ANO3: variants seen among roughly 807,000 people sequenced by gnomAD.
ANO3 encodes anoctamin 3, also known as anoctamin-3.
A neutral mutation model predicts 144.8 loss-of-function variants in ANO3; 99 were observed. That is an observed-to-expected ratio of 0.68 (90% CI 0.58 to 0.81). The LOEUF (loss-of-function observed/expected upper bound fraction) is 0.81, where lower values mean the gene tolerates loss of function less well. Among genes scored for constraint, ANO3 ranks in the 30% least tolerant of loss-of-function variants. The probability of loss-of-function intolerance (pLI) is 0.00; values close to 1 mark genes in which losing one functional copy is unlikely to be tolerated. For synonymous variants in ANO3, 414 were observed against 392.6 expected (o/e 1.05, Z -0.64); for missense variants, 905 against 1,202.2 (o/e 0.75, Z 3.66).
chr11:26,584,359 A>G (rs113735783), intron 14 of ANO3, among the ~76,000 whole-genome samples: 15 of 152,236 alleles, frequency 9.9e-5, no homozygotes, highest in African/African-American at 3.6e-4. Context: ...GGGTTTCACC[A>G]TGGTGGCCAG....
intron 1 of ANO3, among the ~76,000 whole-genome samples, chr11:26,202,727 GA>G (rs151234568): frequency 7.4e-5 from 11 of 149,058 alleles, no homozygotes; most frequent in Middle Eastern, 3.4e-3. Context: ...CACAGTTGAG[GA>G]AAAAAAAAAT....
intron 1 of ANO3, among the ~76,000 whole-genome samples, chr11:26,441,652 A>T (rs920747801): frequency 1.6e-4 from 24 of 152,216 alleles, no homozygotes; most frequent in Admixed American, 1.6e-3. Context: ...GAACTTAAAC[A>T]TCAGTTTCTT....
chr11:26,412,334 T>G (rs939663516), intron 1 of ANO3, among the ~76,000 whole-genome samples: 1 of 152,020 alleles, frequency 6.6e-6, no homozygotes, highest in Non-Finnish European at 1.5e-5. Flanking sequence ...AAGCTCTTAA[T>G]GAATGTAATT....
rs535793306 is a variant in ANO3, at chr11:26,299,257, A to G, written c.155-10388A>G. ...TCTGAAAGCTAAGTGGGGGAAGTTT[A>G]TCAAGGAGGAAAGTGTGATTAATTA... On this transcript the variant is annotated intron_variant, in intron 1 of 27. Coordinates refer to the ANO3 transcript ENST00000672621. Among the ~76,000 whole-genome samples the G allele has an allele frequency of 6.6e-5, 10 of 152,326 alleles. 1 individual carries two copies. The South Asian group carries it at 1.9e-3, about 28-fold the overall frequency.
intron 1 of ANO3, among the ~76,000 whole-genome samples, chr11:26,433,988 T>G (rs886497994): frequency 6.6e-6 from 1 of 152,208 alleles, no homozygotes; most frequent in Non-Finnish European, 1.5e-5. Context: ...CTCTTCTTTA[T>G]CCATCTGGTA....
intron 7 of ANO3, among the ~76,000 whole-genome samples, chr11:26,528,331 T>A (rs968179046): frequency 2.0e-5 from 3 of 152,160 alleles, no homozygotes; most frequent in African/African-American, 7.2e-5. Flanking sequence ...CATTGTGGTA[T>A]TCAAATTTAG....
At chr11:26,458,234 CATTT>C (rs1469415544) in intron 3 of ANO3, among the ~76,000 whole-genome samples, 1 of 152,090 alleles carries the variant, frequency 6.6e-6, no homozygotes, top group Non-Finnish European at 1.5e-5. Context: ...TAGTAGGTTT[CATTT>C]GTGTTTCAGA....
chr11:26,565,379 A>C, intron 14 of ANO3: 1 of 1,613,226 alleles, frequency 6.2e-7, no homozygotes, highest in Non-Finnish European at 8.5e-7. Context: ...TGTTATCAGG[A>C]GTTTTCACGG....
intron 1 of ANO3, among the ~76,000 whole-genome samples, chr11:26,340,527 A>G (rs931747686): frequency 5.3e-5 from 8 of 152,114 alleles, no homozygotes; most frequent in African/African-American, 1.9e-4. Context: ...CCGAATCTAA[A>G]CTCCAGAGGA....
intron 1 of ANO3, among the ~76,000 whole-genome samples, chr11:26,384,820 T>C (rs919942746): frequency 2.0e-5 from 3 of 152,220 alleles, no homozygotes; most frequent in Admixed American, 6.5e-5. Context: ...TTCACAAAAG[T>C]ACCATAACTG....
At position 26,553,284 on chromosome 11, in the gene ANO3, G is replaced by A; in HGVS notation, c.1325G>A (p.Cys442Tyr). The change falls in exon 13 of 27, where the codon TGC (cysteine) becomes TAC (tyrosine). Residue 442 changes from cysteine (C) to tyrosine (Y), a missense_variant. By Grantham distance (194) the Cys-to-Tyr change is radical. Coordinates refer to ENST00000256737, the MANE Select transcript of ANO3 (RefSeq NM_031418.4). ...TGTAAAGCCACTGAAGTCTTTATGT[G>A]CCCTCTCTGTGACAAGAACTGCTCC... ...EICKATEVFM[C>Y]PLCDKNCSLQ... The A allele has an allele frequency of 6.4e-7, 1 of 1,570,962 alleles. No individual in the cohort carries two copies. Among genetic ancestry groups the A allele is most frequent in the Non-Finnish European group, 8.7e-7 (1 of 1,152,744 alleles).
chr11:26,453,496 A>G (rs1369902330), intron 3 of ANO3, among the ~76,000 whole-genome samples: 1 of 152,204 alleles, frequency 6.6e-6, no homozygotes, highest in Admixed American at 6.5e-5. Context: ...CCATTACATA[A>G]TGGTAAAGAG....
intron 1 of ANO3, among the ~76,000 whole-genome samples, chr11:26,362,821 C>T (rs892286647): frequency 6.6e-6 from 1 of 152,054 alleles, no homozygotes; most frequent in Admixed American, 6.6e-5. Context: ...GTCATATATA[C>T]CTTCTTTATA....
chr11:26,283,317 AATAAATATATATATATATATATATATAT>A (rs1373636268), intron 1 of ANO3, among the ~76,000 whole-genome samples: 11 of 77,590 alleles, frequency 1.4e-4, no homozygotes, highest in South Asian at 1.2e-3. Context: ...TAAACAAATA[AATAAATATATATATATATATATATATAT>A]ATATATATAT....
At chr11:26,640,348 CTT>C (rs895779737) in intron 21 of ANO3, among the ~76,000 whole-genome samples, 2 of 152,170 alleles carry the variant, frequency 1.3e-5, no homozygotes, top group Non-Finnish European at 2.9e-5. Context: ...TTTATACAGA[CTT>C]AATATTCAAA....
chr11:26,447,887 C>A (rs745456988), intron 3 of ANO3, among the ~76,000 whole-genome samples: 1 of 152,176 alleles, frequency 6.6e-6, no homozygotes, highest in Non-Finnish European at 1.5e-5. Flanking sequence ...CCATTGCCTA[C>A]GTTTTTTTCT....
At chr11:26,655,231 G>C (rs1476987343) in intron 24 of ANO3, among the ~76,000 whole-genome samples, 1 of 152,070 alleles carries the variant, frequency 6.6e-6, no homozygotes, top group Non-Finnish European at 1.5e-5. Flanking sequence ...CTTCCCATCT[G>C]TCACATCAGC....
chr11:26,194,454 G>GTATGTGTGTA (rs879749565), intron 1 of ANO3, among the ~76,000 whole-genome samples: 1 of 147,328 alleles, frequency 6.8e-6, no homozygotes, highest in Non-Finnish European at 1.5e-5. Flanking sequence ...GTGTGTGTGT[G>GTATGTGTGTA]TGTGTGTGTG....
chr11:26,197,865 A>C (rs1270686757), intron 1 of ANO3, among the ~76,000 whole-genome samples: 1 of 151,782 alleles, frequency 6.6e-6, no homozygotes, highest in African/African-American at 2.4e-5. Flanking sequence ...TGAATATAAC[A>C]TTTTTCTTAG....
Sources: allele counts gnomAD v4.1 joint callset (sites outside exome capture counted in the v4.1 genomes callset), GRCh38; gene constraint gnomAD v4.1.1; transcripts MANE v1.5; gene names NCBI Gene and HGNC (gene_info 2026-07-23, HGNC 2026-07-21).